Variants in C6orf58 observed in about 807,000 individuals in gnomAD.
The protein encoded by C6orf58 is protein LEG1 homolog.
Under a neutral mutation model 37.0 loss-of-function variants are expected in C6orf58, and 30 were observed. That is an observed-to-expected ratio of 0.81 (90% CI 0.61 to 1.10). The LOEUF (loss-of-function observed/expected upper bound fraction) is 1.10, where lower values mean the gene tolerates loss of function less well. Ranked by LOEUF, C6orf58 falls within the 50% of genes least tolerant of loss-of-function variation. The pLI is 0.00. For missense variants in C6orf58, 368 were observed against 387.5 expected (o/e 0.95, Z 0.42); for synonymous variants, 143 against 134.1 (o/e 1.07, Z -0.46).
intron 4 of C6orf58, among the ~76,000 whole-genome samples, chr6:127,582,525 G>A (rs531514712): frequency 4.6e-5 from 7 of 152,136 alleles, no homozygotes; most frequent in East Asian, 1.9e-4. Context: ...AAAGCAATCC[G>A]GTTACCTAAT....
intron 4 of C6orf58, among the ~76,000 whole-genome samples, chr6:127,587,597 A>C (rs1044871977): frequency 6.6e-6 from 1 of 152,204 alleles, no homozygotes; most frequent in African/African-American, 2.4e-5. Context: ...ATTCAAGGCT[A>C]ATGATTGTTC....
chr6:127,580,928 C>G (rs924346581), intron 3 of C6orf58, among the ~76,000 whole-genome samples: 4 of 151,842 alleles, frequency 2.6e-5, no homozygotes, highest in African/African-American at 9.7e-5. Context: ...AAGGCCTGAT[C>G]GGTATAAAAT....
intron 4 of C6orf58, among the ~76,000 whole-genome samples, chr6:127,585,894 T>C (rs1397462630): frequency 6.6e-6 from 1 of 152,200 alleles, no homozygotes; most frequent in Non-Finnish European, 1.5e-5. Context: ...TGTCATTCCA[T>C]ACCCGGATAA....
In C6orf58 at chr6:127,591,665, A is replaced by T. The variant is rs1350022924; in HGVS notation, c.*43A>T. ...TTCAGGAAATGATTAATGAATTAAA[A>T]ATGAAAAACTCGAACTTGACAATCA... On this transcript the variant is annotated 3_prime_UTR_variant, in exon 6 of 6. Coordinates refer to ENST00000329722, the MANE Select transcript of C6orf58 (RefSeq NM_001010905.3). 7.0e-7 allele frequency: 1 copy of T among 1,437,176 alleles called. No individual in the cohort carries two copies. 89.0% of individuals were successfully genotyped at this position (1,437,176 alleles called of 1,614,324 possible). A position where few individuals can be genotyped will look rare whatever the true frequency, so the allele number is the denominator to read the frequency against.
In C6orf58 at chr6:127,591,572, T is replaced by C; in HGVS notation, c.943T>C (p.Tyr315His). 2.6e-6 allele frequency: 4 copies of C among 1,533,360 alleles called. No homozygotes were observed. The highest frequency in any genetic ancestry group is 1.4e-5 in the African/African-American group (1 of 70,362). 95.0% of individuals were successfully genotyped at this position (1,533,360 alleles called of 1,614,324 possible). A position where few individuals can be genotyped will look rare whatever the true frequency, so the allele number is the denominator to read the frequency against. ...GYLCTEKSNV[Y>H]RDHSESSSRS... ...TCTTTGTACAGAAAAATCTAATGTA[T>C]ATAGAGATCATTCGGAATCTAGCTC... Residue 315 changes from tyrosine to histidine, a missense_variant, in exon 6 of 6, where the codon TAT becomes CAT. By Grantham distance (83) the Tyr-to-His change is moderately conservative. Coordinates refer to ENST00000329722, the MANE Select transcript of C6orf58 (RefSeq NM_001010905.3).
At position 127,580,368 on chromosome 6, in the gene C6orf58, TG is replaced by T. The variant is rs1310935854; in HGVS notation, c.493del (p.Glu165ArgfsTer19). The T allele has an allele frequency of 1.2e-5, 20 of 1,613,006 alleles. No individual in the cohort carries two copies. The highest frequency in any genetic ancestry group is 1.6e-5 in the Non-Finnish European group (19 of 1,179,174). ...TCAGGCTTTTGCCCCCACCCAAGAA[TG>T]AGAGGAAGTTTTGTTATGATGTTTC... Reference protein sequence around the residue: ...QVRLLPPPKNERKFCYDVSSC... With the variant: ...QVRLLPPPKNXRKFCYDVSSC... On this transcript the variant is annotated frameshift_variant, in exon 3 of 6. Transcript: ENST00000329722. LOFTEE classifies it high-confidence loss of function.
At chr6:127,586,638 T>A (rs1428133847) in intron 4 of C6orf58, among the ~76,000 whole-genome samples, 2 of 150,634 alleles carry the variant, frequency 1.3e-5, no homozygotes, top group Non-Finnish European at 1.5e-5. Context: ...ACACTATGGT[T>A]CCAATAACTT....
Sources: allele counts gnomAD v4.1 joint callset (sites outside exome capture counted in the v4.1 genomes callset), GRCh38; gene constraint gnomAD v4.1.1; transcripts MANE v1.5; gene names NCBI Gene and HGNC (gene_info 2026-07-23, HGNC 2026-07-21).